The following RMST variants were observed in gnomAD, a reference collection of about 807,000 sequenced individuals.
RMST encodes rhabdomyosarcoma 2 associated transcript, also known as long intergenic non-protein coding RNA 54.
chr12:97,562,203 G>C (rs983113528), intron 13 of RMST, among the ~76,000 whole-genome samples: 1 of 152,134 alleles, frequency 6.6e-6, no homozygotes, highest in African/African-American at 2.4e-5. Flanking sequence ...GTCCAAACTT[G>C]TAGAAAGAAC....
intron 5 of RMST, among the ~76,000 whole-genome samples, chr12:97,472,201 A>G (rs940496115): frequency 6.6e-6 from 1 of 152,100 alleles, no homozygotes; most frequent in Admixed American, 6.6e-5. Flanking sequence ...GTTTTGTGTT[A>G]GCAGCTTTTA....
At chr12:97,541,189 A>G (rs935207806) in intron 11 of RMST, 1 of 151,638 alleles carries the variant, frequency 6.6e-6, no homozygotes, top group Non-Finnish European at 1.5e-5. Flanking sequence ...ACACATTACC[A>G]TATTTGATTT....
At chr12:97,560,929 C>T (rs929275066) in exon 13 of RMST, 2 of 152,280 alleles carry the variant, frequency 1.3e-5, no homozygotes, top group Admixed American at 1.3e-4. Context: ...GCCAAGCTCA[C>T]TTTTAATCAT....
chr12:97,468,035 C>T (rs1873405052), intron 5 of RMST, among the ~76,000 whole-genome samples: 2 of 151,994 alleles, frequency 1.3e-5, no homozygotes, highest in Non-Finnish European at 2.9e-5. Flanking sequence ...AAAGAATGCA[C>T]TGCCAGGGAG....
At chr12:97,478,179 T>C (rs1874787913) in intron 5 of RMST, among the ~76,000 whole-genome samples, 1 of 152,228 alleles carries the variant, frequency 6.6e-6, no homozygotes, top group Non-Finnish European at 1.5e-5. Context: ...AATGAGCTTT[T>C]CATTTGAAAA....
intron 5 of RMST, among the ~76,000 whole-genome samples, chr12:97,478,447 A>G (rs564142709): frequency 2.0e-5 from 3 of 152,354 alleles, no homozygotes; most frequent in Non-Finnish European, 4.4e-5. Context: ...TGAACTTGGA[A>G]AAAGGACTTG....
At chr12:97,547,232 A>C (rs908914707) in intron 11 of RMST, among the ~76,000 whole-genome samples, 1 of 149,918 alleles carries the variant, frequency 6.7e-6, no homozygotes, top group Non-Finnish European at 1.5e-5. Context: ...AAATATGTAT[A>C]TATAACATCT....
intron 11 of RMST, among the ~76,000 whole-genome samples, chr12:97,544,174 G>A (rs904623345): frequency 6.6e-6 from 1 of 152,020 alleles, no homozygotes; most frequent in Non-Finnish European, 1.5e-5. Context: ...AAAGCATATT[G>A]TCAAACTAAA....
chr12:97,501,387 T>G (rs925513084), intron 10 of RMST, among the ~76,000 whole-genome samples: 3 of 152,234 alleles, frequency 2.0e-5, no homozygotes, highest in Non-Finnish European at 2.9e-5. Context: ...GCCTACTGTC[T>G]TGTAACCTAC....
intron 5 of RMST, among the ~76,000 whole-genome samples, chr12:97,465,951 T>G (rs2136373566): frequency 6.6e-6 from 1 of 152,290 alleles, no homozygotes; most frequent in African/African-American, 2.4e-5. Flanking sequence ...TCTGTTTCCC[T>G]TCAGCCTTGA....
At chr12:97,491,698 T>C (rs557079876) in intron 5 of RMST, 23 of 266,472 alleles carry the variant, frequency 8.6e-5, no homozygotes, top group Non-Finnish European at 1.6e-4. Flanking sequence ...TCGATACCCA[T>C]ATGCATCATC....
At chr12:97,532,510 A>G (rs892701505) in intron 11 of RMST, among the ~76,000 whole-genome samples, 4 of 151,908 alleles carry the variant, frequency 2.6e-5, no homozygotes, top group Non-Finnish European at 5.9e-5. Context: ...TCCTAAAGTC[A>G]TATGTTGTTA....
intron 10 of RMST, among the ~76,000 whole-genome samples, chr12:97,512,129 C>T (rs1425371450): frequency 1.3e-5 from 2 of 152,032 alleles, no homozygotes; most frequent in Non-Finnish European, 1.5e-5. Context: ...CCGAGTCTGG[C>T]GGATTCGTGG....
At chr12:97,552,217 A>G (rs1883358143) in intron 11 of RMST, 1 of 152,234 alleles carries the variant, frequency 6.6e-6, no homozygotes, top group Admixed American at 6.5e-5. Flanking sequence ...GAAGAATCAG[A>G]TAAAATAGAA....
At chr12:97,519,587 T>C (rs896109284) in intron 10 of RMST, among the ~76,000 whole-genome samples, 2 of 152,348 alleles carry the variant, frequency 1.3e-5, no homozygotes, top group African/African-American at 4.8e-5. Flanking sequence ...AGTAGATCTA[T>C]GTTCCCAAAG....
chr12:97,519,978 TAG>T (rs1392000469), intron 10 of RMST, among the ~76,000 whole-genome samples: 12 of 152,162 alleles, frequency 7.9e-5, no homozygotes, highest in South Asian at 2.1e-4. Flanking sequence ...GATCACGAGG[TAG>T]GCACACTGAA....
At chr12:97,532,653 T>TG (rs1472312628) in intron 11 of RMST, 6 of 149,622 alleles carry the variant, frequency 4.0e-5, no homozygotes, top group East Asian at 2.0e-4. Flanking sequence ...CCGTTTTTTT[T>TG]TTTTTTTTTT....
chr12:97,496,672 T>C (rs925519555), intron 10 of RMST, among the ~76,000 whole-genome samples: 2 of 152,130 alleles, frequency 1.3e-5, no homozygotes, highest in African/African-American at 4.8e-5. Context: ...CTCTCTTGTG[T>C]TGGATGTCTT....
At chr12:97,463,487 G>T (rs1209830034) in intron 4 of RMST, among the ~76,000 whole-genome samples, 1 of 152,142 alleles carries the variant, frequency 6.6e-6, no homozygotes, top group Non-Finnish European at 1.5e-5. Context: ...TGAGTGGAAG[G>T]GTGAGCTGCT....
Sources: allele counts gnomAD v4.1 joint callset (sites outside exome capture counted in the v4.1 genomes callset), GRCh38; gene constraint gnomAD v4.1.1; transcripts MANE v1.5; gene names NCBI Gene and HGNC (gene_info 2026-07-23, HGNC 2026-07-21).